The following ARHGEF7 variants were observed in gnomAD, a reference collection of about 807,000 sequenced individuals.
The protein encoded by ARHGEF7 is PAK-interacting exchange factor beta.
ARHGEF7 carries 33 observed loss-of-function variants against 109.8 expected under a neutral mutation model. The observed-to-expected ratio is 0.30, with a 90% CI of 0.23 to 0.40. The LOEUF (loss-of-function observed/expected upper bound fraction) is 0.40. Ranked by LOEUF, ARHGEF7 falls within the 10% of genes least tolerant of loss-of-function variation. The pLI is 1.00. For synonymous variants in ARHGEF7, 458 were observed against 424.6 expected, an observed-to-expected ratio of 1.08 and a Z score of -0.97; for missense variants, 938 against 1,098.5, an observed-to-expected ratio of 0.85 and a Z score of 2.07.
At chr13:111,257,116 TG>T (rs2090515908) in intron 8 of ARHGEF7, among the ~76,000 whole-genome samples, 1 of 152,246 alleles carries the variant, frequency 6.6e-6, no homozygotes, top group South Asian at 2.1e-4. Context: ...TTCTTGTTGC[TG>T]CCTGGTGGGG....
intron 6 of ARHGEF7, among the ~76,000 whole-genome samples, chr13:111,238,064 C>T (rs1183126652): frequency 6.6e-6 from 1 of 152,174 alleles, no homozygotes; most frequent in Non-Finnish European, 1.5e-5. Flanking sequence ...CTCTTAAATG[C>T]AGATCTTTTA....
chr13:111,191,222 C>G (rs1355207853), intron 2 of ARHGEF7, among the ~76,000 whole-genome samples: 2 of 152,060 alleles, frequency 1.3e-5, no homozygotes. Flanking sequence ...TTGGAAGTTA[C>G]TATGATCAGT....
chr13:111,135,369 G>A (rs2153350590), intron 1 of ARHGEF7, among the ~76,000 whole-genome samples: 1 of 152,276 alleles, frequency 6.6e-6, no homozygotes, highest in Admixed American at 6.5e-5. Context: ...GGATGGCATT[G>A]AATCTATAAA....
At chr13:111,139,949 G>A (rs831165) in intron 1 of ARHGEF7, among the ~76,000 whole-genome samples, 39,226 of 152,206 alleles carry the variant, frequency 0.26, 5,245 homozygotes, top group Middle Eastern at 0.33. Flanking sequence ...TCTTTCATTT[G>A]TCTCTCACTT....
intron 16 of ARHGEF7, among the ~76,000 whole-genome samples, chr13:111,283,698 G>A (rs1409359457): frequency 6.6e-6 from 1 of 152,210 alleles, no homozygotes; most frequent in Non-Finnish European, 1.5e-5. Flanking sequence ...TGAGGCCATC[G>A]CTCAGCATCT....
At chr13:111,232,158 A>G (rs1251231982) in intron 5 of ARHGEF7, among the ~76,000 whole-genome samples, 1 of 152,102 alleles carries the variant, frequency 6.6e-6, no homozygotes, top group Non-Finnish European at 1.5e-5. Context: ...GACCCACCCT[A>G]TAGAATTGTG....
intron 5 of ARHGEF7, among the ~76,000 whole-genome samples, chr13:111,221,570 GAT>G (rs2084357511): frequency 1.6e-5 from 1 of 63,272 alleles, no homozygotes; most frequent in Non-Finnish European, 3.2e-5. Context: ...TATATATATA[GAT>G]ACATATCTAT....
chr13:111,242,983 G>C (rs983744660), intron 6 of ARHGEF7, among the ~76,000 whole-genome samples: 1 of 152,166 alleles, frequency 6.6e-6, no homozygotes, highest in East Asian at 1.9e-4. Flanking sequence ...CAGTTTTTAA[G>C]ACTTAAATTA....
intron 15 of ARHGEF7, among the ~76,000 whole-genome samples, chr13:111,281,476 G>T (rs1195302646): frequency 1.3e-5 from 2 of 152,136 alleles, no homozygotes; most frequent in South Asian, 4.1e-4. Flanking sequence ...GAAGGTTGTA[G>T]CTCAAGAAGG....
chr13:111,136,435 G>T (rs1370832702), intron 1 of ARHGEF7, among the ~76,000 whole-genome samples: 2 of 152,204 alleles, frequency 1.3e-5, no homozygotes. Context: ...TCAGGATTAA[G>T]AAACTCACTC....
At chr13:111,290,646 G>A (rs749464681) in intron 18 of ARHGEF7, among the ~76,000 whole-genome samples, 2 of 152,308 alleles carry the variant, frequency 1.3e-5, no homozygotes, top group East Asian at 1.9e-4. Flanking sequence ...AAGGGGAATG[G>A]CCCACAATTC....
At chr13:111,204,278 T>A (rs1357708664) in intron 2 of ARHGEF7, among the ~76,000 whole-genome samples, 3 of 152,178 alleles carry the variant, frequency 2.0e-5, no homozygotes, top group Non-Finnish European at 2.9e-5. Context: ...GGTGGGGCCC[T>A]TGTCCACTGA....
intron 1 of ARHGEF7, among the ~76,000 whole-genome samples, chr13:111,120,519 A>G (rs987672033): frequency 1.3e-5 from 2 of 152,116 alleles, no homozygotes; most frequent in Non-Finnish European, 2.9e-5. Context: ...GCACACACGC[A>G]CACACAGACA....
At chr13:111,179,463 C>G (rs2078520830) in intron 2 of ARHGEF7, among the ~76,000 whole-genome samples, 1 of 152,196 alleles carries the variant, frequency 6.6e-6, no homozygotes, top group Non-Finnish European at 1.5e-5. Flanking sequence ...CTGAATACTT[C>G]AGCATGTGTA....
At chr13:111,153,253 GGGCCCCTC>G (rs2075993530) in intron 1 of ARHGEF7, among the ~76,000 whole-genome samples, 1 of 152,216 alleles carries the variant, frequency 6.6e-6, no homozygotes, top group Admixed American at 6.5e-5. Context: ...GAGTTCTCTG[GGGCCCCTC>G]TGGGCCAGGC....
At chr13:111,205,239 C>A in intron 2 of ARHGEF7, 50 bp from the exon 3 acceptor site, 2 of 1,446,912 alleles carry the variant, frequency 1.4e-6, no homozygotes, top group Non-Finnish European at 1.9e-6. Flanking sequence ...GTTCATCCTG[C>A]ACCCAACATA....
chr13:111,117,745 C>T (rs988062643), intron 1 of ARHGEF7, among the ~76,000 whole-genome samples: 5 of 151,532 alleles, frequency 3.3e-5, no homozygotes, highest in South Asian at 2.1e-4. Context: ...TTCCTTCCTT[C>T]GAGATGGGTT....
In ARHGEF7 at chr13:111,280,334, T is replaced by G; in HGVS notation, c.1569T>G (p.Asn523Lys). Residue 523 changes from asparagine (N) to lysine (K), a missense_variant, in exon 14 of 22, where the codon AAT becomes AAG. This residue lies in a region of ARHGEF7 where 585 missense variants were observed against 723.6 expected (regional missense o/e 0.81). Transcript: ENST00000646102. ...TKLEDSENHR[N>K]AFEISGSMIE... The stretch of plus-strand genomic sequence containing the variant: ...TTGAGGACAGTGAAAATCATAGAAA[T>G]GCATTTGAAATATCAGGTGATAGGC... The G allele has an allele frequency of 1.9e-6, 3 of 1,611,784 alleles. No individual in the cohort carries two copies. The East Asian group carries it at 6.7e-5, about 36-fold the overall frequency.
At chr13:111,232,627 C>T (rs2086249287) in intron 5 of ARHGEF7, among the ~76,000 whole-genome samples, 1 of 152,158 alleles carries the variant, frequency 6.6e-6, no homozygotes, top group Non-Finnish European at 1.5e-5. Flanking sequence ...GGAGTCAGGA[C>T]TGCTTTAATG....
Sources: gnomAD v4.1 joint callset for allele counts (sites outside exome capture counted in the v4.1 genomes callset) on GRCh38, gnomAD v4.1.1 for gene constraint, gnomAD v4.1.1 regional missense constraint, MANE v1.5 for transcripts, NCBI Gene and HGNC (gene_info 2026-07-23, HGNC 2026-07-21) for gene names.